Variants in PLEKHA2 observed in about 807,000 individuals in gnomAD.
PLEKHA2 encodes the protein pleckstrin homology domain-containing family A member 2.
A neutral mutation model predicts 53.2 loss-of-function variants in PLEKHA2; 28 were observed. The ratio of observed to expected loss-of-function variants is 0.53; its 90% CI spans 0.39 to 0.72. PLEKHA2 has a LOEUF of 0.72. Among genes scored for constraint, PLEKHA2 ranks in the 30% least tolerant of loss-of-function variants. The pLI is 0.00. For missense variants in PLEKHA2, 426 were observed against 537.9 expected (o/e 0.79, Z 2.06); for synonymous variants, 193 against 196.4 (o/e 0.98, Z 0.14).
At chr8:38,968,898 CTT>C (rs761821480) in intron 11 of PLEKHA2, 7,039 of 246,962 alleles carry the variant, frequency 0.029, no homozygotes, top group South Asian at 0.05. Context: ...AATGGAATTT[CTT>C]TTTTTTTTTT....
chr8:38,930,090 C>G (rs10090833), intron 2 of PLEKHA2, among the ~76,000 whole-genome samples: 51,690 of 152,082 alleles, frequency 0.34, 9,203 homozygotes, highest in Non-Finnish European at 0.38. Flanking sequence ...CATATATTTT[C>G]CCCCCTGGGG....
intron 2 of PLEKHA2, among the ~76,000 whole-genome samples, chr8:38,930,639 C>T (rs955003105): frequency 7.6e-5 from 10 of 131,028 alleles, no homozygotes; most frequent in African/African-American, 3.0e-4. Context: ...CGAGGCACGG[C>T]ACCCCACGGC....
intron 4 of PLEKHA2, among the ~76,000 whole-genome samples, chr8:38,945,658 T>C (rs1834700050): frequency 6.6e-6 from 1 of 152,176 alleles, no homozygotes; most frequent in Non-Finnish European, 1.5e-5. Flanking sequence ...AGGTCACAGA[T>C]TTGATCTCAG....
chr8:38,912,070 G>C (rs1205723727), intron 1 of PLEKHA2, among the ~76,000 whole-genome samples: 1 of 152,234 alleles, frequency 6.6e-6, no homozygotes, highest in Non-Finnish European at 1.5e-5. Context: ...GGAGGCTGAG[G>C]CTGGTGGTTC....
chr8:38,914,440 G>A (rs372169493), intron 1 of PLEKHA2, among the ~76,000 whole-genome samples: 6 of 152,200 alleles, frequency 3.9e-5, no homozygotes, highest in African/African-American at 1.4e-4. Context: ...TCTCCCTCTG[G>A]GCCTGCAGTA....
intron 1 of PLEKHA2, among the ~76,000 whole-genome samples, chr8:38,912,177 G>A (rs1356101166): frequency 1.3e-5 from 2 of 152,012 alleles, no homozygotes; most frequent in Non-Finnish European, 2.9e-5. Flanking sequence ...GGCACACGCT[G>A]TAATCCCAGC....
chr8:38,964,276 T>G (rs539823330), intron 10 of PLEKHA2, among the ~76,000 whole-genome samples: 1 of 152,272 alleles, frequency 6.6e-6, no homozygotes, highest in South Asian at 2.1e-4. Flanking sequence ...CCCTAAGCTG[T>G]GGACTGGTAC....
At chr8:38,911,283 C>G (rs62504361) in intron 1 of PLEKHA2, among the ~76,000 whole-genome samples, 2 of 151,660 alleles carry the variant, frequency 1.3e-5, no homozygotes, top group Non-Finnish European at 2.9e-5. Context: ...GTCACCCAGG[C>G]TGGGGTGCAG....
At chr8:38,951,089 GT>G in intron 6 of PLEKHA2, 99 bp downstream of exon 6, 1 of 921,596 alleles carries the variant, frequency 1.1e-6, no homozygotes, top group Non-Finnish European at 1.5e-6. Context: ...GAAAAGGAGG[GT>G]GGGAGTGGGG....
intron 5 of PLEKHA2, among the ~76,000 whole-genome samples, chr8:38,946,680 G>A (rs993215192): frequency 4.6e-5 from 7 of 152,214 alleles, no homozygotes; most frequent in Non-Finnish European, 1.0e-4. Context: ...TCCTAGAAAA[G>A]CCTTCTGTTT....
intron 2 of PLEKHA2, among the ~76,000 whole-genome samples, chr8:38,919,563 C>T (rs1377126459): frequency 1.3e-5 from 2 of 152,052 alleles, no homozygotes. Context: ...TCTGAATGTC[C>T]CAGGGATGGA....
intron 2 of PLEKHA2, among the ~76,000 whole-genome samples, chr8:38,921,874 T>C (rs762254009): frequency 3.9e-5 from 6 of 152,244 alleles, no homozygotes; most frequent in Non-Finnish European, 7.3e-5. Flanking sequence ...GGTTAGTTCT[T>C]TGTTGTGTGA....
chr8:38,956,730 C>T (rs1219992975), intron 9 of PLEKHA2, among the ~76,000 whole-genome samples: 13 of 152,164 alleles, frequency 8.5e-5, no homozygotes, highest in South Asian at 2.1e-4. Flanking sequence ...GGCAACAGAG[C>T]GAGACCCTGT....
At chr8:38,927,649 A>G (rs1834312256) in intron 2 of PLEKHA2, among the ~76,000 whole-genome samples, 2 of 152,340 alleles carry the variant, frequency 1.3e-5, no homozygotes, top group Admixed American at 1.3e-4. Context: ...AGCACAGGAC[A>G]ACATGATGAA....
chr8:38,948,786 G>A (rs1324756088), intron 5 of PLEKHA2, among the ~76,000 whole-genome samples: 2 of 152,170 alleles, frequency 1.3e-5, no homozygotes, highest in African/African-American at 4.8e-5. Flanking sequence ...ATAGATGTAG[G>A]GTGTTGCGTT....
At chr8:38,957,866 A>G (rs1834970168) in intron 10 of PLEKHA2, among the ~76,000 whole-genome samples, 2 of 152,210 alleles carry the variant, frequency 1.3e-5, no homozygotes, top group South Asian at 4.1e-4. Flanking sequence ...CTCCACCCAC[A>G]GCTCTGGAGT....
chr8:38,963,010 C>T (rs1187634699), intron 10 of PLEKHA2, among the ~76,000 whole-genome samples: 1 of 152,122 alleles, frequency 6.6e-6, no homozygotes, highest in Non-Finnish European at 1.5e-5. Context: ...GAGGAGTTGC[C>T]TAAAAATTTT....
intron 8 of PLEKHA2, 52 bp downstream of exon 8, chr8:38,952,756 C>A (rs1834870403): frequency 3.2e-6 from 5 of 1,541,462 alleles, no homozygotes; most frequent in Non-Finnish European, 3.6e-6. Context: ...CTAAGAGGTG[C>A]ATAGGTGCAC....
rs116075154 is a variant in PLEKHA2 at position 38,942,777 on chromosome 8, G to A, written c.199-1012G>A. 3.7e-3 allele frequency among the ~76,000 whole-genome samples: 559 copies of A among 152,312 alleles called. 7 individuals carry two copies. Among genetic ancestry groups the A allele is most frequent in the African/African-American group, 0.013 (540 of 41,558 alleles). On this transcript the variant is annotated intron_variant, in intron 3 of 11. Transcript: ENST00000617275. The stretch of plus-strand genomic sequence containing the variant: ...TGAATGATGAGAGTTCACATATGCA[G>A]ATACTCAGGAGTGTACATGCCAGGG...
Sources: allele counts gnomAD v4.1 joint callset (sites outside exome capture counted in the v4.1 genomes callset), GRCh38; gene constraint gnomAD v4.1.1; transcripts MANE v1.5; gene names NCBI Gene and HGNC (gene_info 2026-07-23, HGNC 2026-07-21).